The following CDH19 variants were observed in gnomAD, a reference collection of about 807,000 sequenced individuals.
The protein encoded by CDH19 is cadherin-19.
A neutral mutation model predicts 64.2 loss-of-function variants in CDH19; 67 were observed. That is an observed-to-expected ratio of 1.04 (90% CI 0.86 to 1.28). The LOEUF (loss-of-function observed/expected upper bound fraction) is 1.28. CDH19 is among the 50% of genes most tolerant of loss of function. The probability of loss-of-function intolerance (pLI) is 0.00; values close to 1 mark genes in which losing one functional copy is unlikely to be tolerated. For missense variants in CDH19, 1,030 were observed against 929.0 expected (o/e 1.11, Z -1.41); for synonymous variants, 346 against 319.3 (o/e 1.08, Z -0.89).
chr18:66,518,939 T>C (rs1985858799), intron 9 of CDH19, among the ~76,000 whole-genome samples: 1 of 152,200 alleles, frequency 6.6e-6, no homozygotes, highest in African/African-American at 2.4e-5. Flanking sequence ...GCATGCAGTC[T>C]CTCAGACACT....
chr18:66,505,093 T>G lies in CDH19; in HGVS notation c.2038A>C (p.Ser680Arg). Residue 680 changes from serine (S) to arginine (R), a missense_variant, in exon 12 of 12, where the codon AGC (serine) becomes CGC (arginine). Ser to Arg is a moderately radical substitution (Grantham distance 110). Transcript: ENST00000262150. The stretch of plus-strand genomic sequence containing the variant: ...ACTTGCAAAGACTGCCTGTATAGGC[T>G]CCTGATCTCAGCGCTTGTGGTTTTC... Reference protein sequence around the residue: ...TRKTTSAEIRSLYRQSLQVGP... With the variant: ...TRKTTSAEIRRLYRQSLQVGP... 1 of 1,613,722 alleles carries G rather than the reference T, an allele frequency of 6.2e-7. No individual in the cohort carries two copies. The highest frequency in any genetic ancestry group is 1.1e-5 in the South Asian group (1 of 91,074).
chr18:66,530,043 T>C, intron 8 of CDH19, 77 bp from the exon 9 acceptor site: 1 of 669,282 alleles, frequency 1.5e-6, no homozygotes, highest in Non-Finnish European at 2.3e-6. Flanking sequence ...AAAATTACAT[T>C]AGAGGCTACG....
chr18:66,600,739 A>G (rs1253824394), intron 1 of CDH19, among the ~76,000 whole-genome samples: 1 of 151,922 alleles, frequency 6.6e-6, no homozygotes, highest in African/African-American at 2.4e-5. Flanking sequence ...CCAGGTACAC[A>G]TATGTGTGTG....
intron 1 of CDH19, among the ~76,000 whole-genome samples, chr18:66,576,802 A>G (rs187315981): frequency 1.1e-3 from 168 of 151,862 alleles, no homozygotes; most frequent in Middle Eastern, 0.01. Flanking sequence ...GGGCATAAAT[A>G]CACATATAGA....
chr18:66,572,413 G>T, intron 1 of CDH19, 97 bp from the exon 2 acceptor site: 1 of 389,046 alleles, frequency 2.6e-6, no homozygotes, highest in Non-Finnish European at 4.6e-6. Context: ...TCTGACAAAA[G>T]TGGAATAAAA....
In CDH19 at chr18:66,505,085, G is replaced by T. The variant is rs549858100; in HGVS notation, c.2046C>A (p.Tyr682Ter). ...KTTSAEIRSL[Y>*]RQSLQVGPDS... ...CGGGGCCAACTTGCAAAGACTGCCT[G>T]TATAGGCTCCTGATCTCAGCGCTTG... is the stretch of plus-strand genomic sequence containing the variant. Residue 682 changes from tyrosine (Y) to a stop codon, truncating the protein, a stop_gained, in exon 12 of 12, where the codon TAC becomes TAA. Coordinates refer to ENST00000262150, the MANE Select transcript of CDH19 (RefSeq NM_021153.4). LOFTEE classifies it low-confidence loss of function (END_TRUNC). 3 of 1,613,686 alleles carry T rather than the reference G, an allele frequency of 1.9e-6. No individual in the cohort carries two copies. The highest frequency in any genetic ancestry group is 2.5e-6 in the Non-Finnish European group (3 of 1,179,766).
intron 1 of CDH19, among the ~76,000 whole-genome samples, chr18:66,603,407 C>CT (rs1989085815): frequency 6.6e-6 from 1 of 151,168 alleles, no homozygotes; most frequent in Admixed American, 6.6e-5. Context: ...TATGCCTGTA[C>CT]AATTTTAGGC....
At chr18:66,579,547 C>A (rs1191753413) in intron 1 of CDH19, among the ~76,000 whole-genome samples, 6 of 151,744 alleles carry the variant, frequency 4.0e-5, no homozygotes, top group Non-Finnish European at 8.8e-5. Flanking sequence ...TCTGAATATA[C>A]AATAAATTTT....
At chr18:66,561,959 C>CTT (rs1481586787) in intron 3 of CDH19, among the ~76,000 whole-genome samples, 3 of 151,936 alleles carry the variant, frequency 2.0e-5, no homozygotes, top group Non-Finnish European at 4.4e-5. Context: ...ATCTTGGCAA[C>CTT]TTTTCATAGC....
chr18:66,595,765 G>C (rs577269128), intron 1 of CDH19, among the ~76,000 whole-genome samples: 6 of 152,180 alleles, frequency 3.9e-5, no homozygotes, highest in African/African-American at 1.4e-4. Flanking sequence ...CAATTTTACT[G>C]AAACTATTTC....
intron 3 of CDH19, among the ~76,000 whole-genome samples, chr18:66,556,125 GT>G (rs1328489631): frequency 6.6e-6 from 1 of 151,270 alleles, no homozygotes; most frequent in Non-Finnish European, 1.5e-5. Context: ...TTCCAGTCCA[GT>G]TTTTTTAGCA....
At chr18:66,522,771 A>G (rs1232034434) in intron 9 of CDH19, among the ~76,000 whole-genome samples, 4 of 151,718 alleles carry the variant, frequency 2.6e-5, no homozygotes, top group African/African-American at 9.7e-5. Context: ...TATTTATTAG[A>G]CATTTAAAAT....
intron 5 of CDH19, among the ~76,000 whole-genome samples, chr18:66,547,661 G>GTTTT (rs71169155): frequency 1.3e-3 from 108 of 80,150 alleles, no homozygotes; most frequent in Non-Finnish European, 1.5e-3. Context: ...TGTGTGTTAG[G>GTTTT]TTTTTTTTTT....
chr18:66,602,925 C>T (rs1989072956), intron 1 of CDH19, among the ~76,000 whole-genome samples: 1 of 151,196 alleles, frequency 6.6e-6, no homozygotes, highest in African/African-American at 2.4e-5. Context: ...CTGATAATTA[C>T]AATATTAAGA....
intron 8 of CDH19, among the ~76,000 whole-genome samples, chr18:66,531,461 C>CA (rs1214459608): frequency 6.6e-6 from 1 of 151,872 alleles, no homozygotes; most frequent in East Asian, 1.9e-4. Context: ...TACTAAAAAT[C>CA]CAAAAAAATT....
chr18:66,602,947 G>T (rs992676273), intron 1 of CDH19, among the ~76,000 whole-genome samples: 2 of 151,144 alleles, frequency 1.3e-5, no homozygotes, highest in Non-Finnish European at 3.0e-5. Flanking sequence ...TTTGAAAAAA[G>T]AATATATTAA....
At chr18:66,581,969 GT>G (rs1988434601) in intron 1 of CDH19, among the ~76,000 whole-genome samples, 1 of 151,964 alleles carries the variant, frequency 6.6e-6, no homozygotes, top group African/African-American at 2.4e-5. Context: ...TAAGTGACCT[GT>G]CCTGTAAACA....
chr18:66,565,351 T>G (rs1299515361), intron 3 of CDH19, among the ~76,000 whole-genome samples: 1 of 152,036 alleles, frequency 6.6e-6, no homozygotes, highest in African/African-American at 2.4e-5. Context: ...CATGACATAA[T>G]GAAATATGGA....
intron 9 of CDH19, among the ~76,000 whole-genome samples, chr18:66,520,676 A>G (rs1422828120): frequency 6.6e-6 from 1 of 152,106 alleles, no homozygotes; most frequent in African/African-American, 2.4e-5. Context: ...AAAGTGAACC[A>G]GCAAATTTCA....
Sources: gnomAD v4.1 joint callset for allele counts (sites outside exome capture counted in the v4.1 genomes callset) on GRCh38, gnomAD v4.1.1 for gene constraint, MANE v1.5 for transcripts, NCBI Gene and HGNC (gene_info 2026-07-23, HGNC 2026-07-21) for gene names.